Variants in HPGDS observed in about 807,000 individuals in gnomAD.
HPGDS encodes GST class-sigma.
In HPGDS, 26 loss-of-function variants were observed where a neutral mutation model predicts 23.1. The ratio of observed to expected loss-of-function variants is 1.13; its 90% CI spans 0.83 to 1.56. The LOEUF (loss-of-function observed/expected upper bound fraction) is 1.56, where lower values mean the gene tolerates loss of function less well. HPGDS is among the 40% of genes most tolerant of loss of function. The pLI, the probability that HPGDS is intolerant of heterozygous loss-of-function variation, is 0.00. For synonymous variants in HPGDS, 95 were observed against 77.9 expected (o/e 1.22, Z -1.16); for missense variants, 268 against 236.4 (o/e 1.13, Z -0.88).
intron 2 of HPGDS, among the ~76,000 whole-genome samples, chr4:94,332,568 T>C (rs1487699617): frequency 6.6e-6 from 1 of 152,214 alleles, no homozygotes; most frequent in African/African-American, 2.4e-5. Context: ...AGCTTGCTCC[T>C]GCCAGCGCCC....
At chr4:94,341,753 C>A (rs1037824125) in intron 1 of HPGDS, among the ~76,000 whole-genome samples, 2 of 152,160 alleles carry the variant, frequency 1.3e-5, no homozygotes, top group African/African-American at 4.8e-5. Context: ...AGATGCAGAT[C>A]TTAACTTGCC....
chr4:94,319,978 T>C (rs902173554), intron 2 of HPGDS, among the ~76,000 whole-genome samples: 5 of 152,164 alleles, frequency 3.3e-5, no homozygotes, highest in Non-Finnish European at 7.3e-5. Context: ...GTTCTCATTG[T>C]TCAGTTCCCA....
intron 4 of HPGDS, among the ~76,000 whole-genome samples, chr4:94,307,385 C>A (rs1756158486): frequency 6.6e-6 from 1 of 151,798 alleles, no homozygotes; most frequent in East Asian, 1.9e-4. Flanking sequence ...GACAACCATA[C>A]CAGAGCGAAG....
At chr4:94,339,925 G>A (rs1578147809) in intron 1 of HPGDS, among the ~76,000 whole-genome samples, 1 of 152,048 alleles carries the variant, frequency 6.6e-6, no homozygotes, top group Non-Finnish European at 1.5e-5. Context: ...CTCTGGTTCT[G>A]TCTTGCCTGC....
Position 94,335,095 on chromosome 4 carries a change from T to A in HPGDS, c.-9-457A>T, listed in dbSNP as rs1304027228. On this transcript the variant is annotated intron_variant, in intron 1 of 5. Coordinates refer to ENST00000295256, the MANE Select transcript of HPGDS (RefSeq NM_014485.3). ...TAAGGACAGCCAAGGGCTGGGCACA[T>A]GCAAGAGGAATGTGAGTGCCATGCC... Among the ~76,000 whole-genome samples, 3 of 152,340 alleles carry A rather than the reference T, an allele frequency of 2.0e-5. No individual in the cohort carries two copies. In the East Asian group the frequency reaches 5.8e-4, roughly 29 times the overall value.
intron 2 of HPGDS, among the ~76,000 whole-genome samples, chr4:94,319,089 T>G (rs1435645924): frequency 2.0e-5 from 3 of 152,160 alleles, no homozygotes; most frequent in African/African-American, 7.2e-5. Context: ...GTTTCTTTGT[T>G]GGTTTTCTGG....
chr4:94,307,421 T>A (rs186475305), intron 4 of HPGDS, among the ~76,000 whole-genome samples: 1 of 152,132 alleles, frequency 6.6e-6, no homozygotes, highest in East Asian at 1.9e-4. Context: ...GATAGACATA[T>A]CCATGCCATC....
chr4:94,325,160 C>G (rs1246740957), intron 2 of HPGDS, among the ~76,000 whole-genome samples: 2 of 152,178 alleles, frequency 1.3e-5, no homozygotes, highest in Non-Finnish European at 2.9e-5. Context: ...AGCTTCATCT[C>G]AGAGGGACAC....
At chr4:94,330,127 C>G (rs1756709633) in intron 2 of HPGDS, among the ~76,000 whole-genome samples, 1 of 152,172 alleles carries the variant, frequency 6.6e-6, no homozygotes, top group Non-Finnish European at 1.5e-5. Context: ...AAATGCAAAT[C>G]AGGGAATATA....
intron 1 of HPGDS, among the ~76,000 whole-genome samples, chr4:94,338,068 T>A (rs1332267985): frequency 6.6e-6 from 1 of 152,226 alleles, no homozygotes; most frequent in East Asian, 1.9e-4. Flanking sequence ...ATATTTTCTG[T>A]TTGTCTCAGG....
At chr4:94,340,311 C>CTTTTTCTTTTTTTT (rs1560598005) in intron 1 of HPGDS, among the ~76,000 whole-genome samples, 1 of 23,676 alleles carries the variant, frequency 4.2e-5, no homozygotes, top group African/African-American at 1.5e-4. Context: ...CTTTCTTTCT[C>CTTTTTCTTTTTTTT]TTTTTTTTTT....
chr4:94,309,925 C>T (rs1281946307), intron 3 of HPGDS, among the ~76,000 whole-genome samples: 1 of 152,128 alleles, frequency 6.6e-6, no homozygotes, highest in Non-Finnish European at 1.5e-5. Flanking sequence ...GCATAAATGT[C>T]TTCTTTTGAG....
chr4:94,332,238 T>A (rs530149283), intron 2 of HPGDS, among the ~76,000 whole-genome samples: 1 of 152,266 alleles, frequency 6.6e-6, no homozygotes, highest in East Asian at 1.9e-4. Context: ...GAGAGCCATT[T>A]CCACCACTTA....
chr4:94,307,341 G>T (rs749767832), intron 4 of HPGDS, among the ~76,000 whole-genome samples: 1 of 150,776 alleles, frequency 6.6e-6, no homozygotes, highest in Non-Finnish European at 1.5e-5. Context: ...TAATAATAAA[G>T]ATCTCAGGAT....
Position 94,302,139 on chromosome 4 carries a change from TACTC to T in HPGDS, c.435+3_435+6del, listed in dbSNP as rs764330903. The T allele has an allele frequency of 7.6e-6, 12 of 1,578,854 alleles. No individual in the cohort carries two copies. Among genetic ancestry groups the T allele is most frequent in the South Asian group, 1.1e-5 (1 of 89,734 alleles). On this transcript the variant is annotated splice_donor_5th_base_variant and intron_variant, in intron 5 of 5. Coordinates refer to ENST00000295256, the MANE Select transcript of HPGDS (RefSeq NM_014485.3). The stretch of plus-strand genomic sequence containing the variant: ...CTTGAATTTTTTAAGATATAAAACA[TACTC>T]ACAGAGTTACCAATAAGCCATTCTC...
At chr4:94,321,166 G>A (rs368665040) in intron 2 of HPGDS, among the ~76,000 whole-genome samples, 2 of 152,000 alleles carry the variant, frequency 1.3e-5, no homozygotes, top group African/African-American at 2.4e-5. Context: ...GTTACTGTAG[G>A]CTTGTAGTAT....
chr4:94,311,802 G>A (rs530605162), intron 3 of HPGDS, among the ~76,000 whole-genome samples: 2 of 151,366 alleles, frequency 1.3e-5, no homozygotes, highest in Non-Finnish European at 2.9e-5. Flanking sequence ...ATAAATTATT[G>A]CCTCAATTTG....
chr4:94,339,642 CA>C (rs1721094863), intron 1 of HPGDS, among the ~76,000 whole-genome samples: 1 of 152,076 alleles, frequency 6.6e-6, no homozygotes, highest in Admixed American at 6.5e-5. Flanking sequence ...TGGGAAATAA[CA>C]GTGTTTTTAA....
In HPGDS at chr4:94,341,254, T is replaced by TA. The variant is rs527307852; in HGVS notation, c.-10+1540dup. On this transcript the variant is annotated intron_variant, in intron 1 of 5. Transcript: ENST00000295256. ...ATTAATTCAATCCCAGAGGCAATTT[T>TA]AACATAATCATTGAAAAAATTACAA... 2.5e-3 allele frequency among the ~76,000 whole-genome samples: 379 copies of TA among 152,310 alleles called. 3 individuals are homozygous for TA. Among genetic ancestry groups the TA allele is most frequent in the African/African-American group, 8.7e-3 (362 of 41,554 alleles).
Sources: allele counts gnomAD v4.1 joint callset (sites outside exome capture counted in the v4.1 genomes callset), GRCh38; gene constraint gnomAD v4.1.1; transcripts MANE v1.5; gene names NCBI Gene and HGNC (gene_info 2026-07-23, HGNC 2026-07-21).